SSBP3: variants seen among roughly 807,000 people sequenced by gnomAD.
The protein encoded by SSBP3 is single-stranded DNA-binding protein 3.
In SSBP3, 5 loss-of-function variants were observed where a neutral mutation model predicts 69.6. The ratio of observed to expected loss-of-function variants is 0.07; its 90% CI spans 0.04 to 0.15. The LOEUF is 0.15. Ranked by LOEUF, SSBP3 falls within the 10% of genes least tolerant of loss-of-function variation. The pLI is 1.00. For synonymous variants in SSBP3, 196 were observed against 193.4 expected, an observed-to-expected ratio of 1.01 and a Z score of -0.11; for missense variants, 312 against 534.0, an observed-to-expected ratio of 0.58 and a Z score of 4.10.
chr1:54,376,199 T>C (rs1647230733), intron 4 of SSBP3, among the ~76,000 whole-genome samples: 1 of 151,980 alleles, frequency 6.6e-6, no homozygotes, highest in East Asian at 1.9e-4. Context: ...TGGGTGTGTG[T>C]GTGTGTGTGT....
At chr1:54,241,196 G>A (rs1223604331) in intron 12 of SSBP3, among the ~76,000 whole-genome samples, 7 of 152,156 alleles carry the variant, frequency 4.6e-5, no homozygotes, top group African/African-American at 1.7e-4. Context: ...TGCATTATGT[G>A]CTCACAGGCA....
chr1:54,380,848 T>G (rs564542954), intron 4 of SSBP3, among the ~76,000 whole-genome samples: 23 of 152,134 alleles, frequency 1.5e-4, no homozygotes, highest in African/African-American at 5.5e-4. Context: ...AGGCAGGGCA[T>G]GATGGCTCAC....
chr1:54,225,823 T>G (rs1644276740), exon 18 of SSBP3: 1 of 153,440 alleles, frequency 6.5e-6, no homozygotes, highest in African/African-American at 2.4e-5. Flanking sequence ...GTCGGGCTTG[T>G]TGGTTTTTGA....
intron 4 of SSBP3, among the ~76,000 whole-genome samples, chr1:54,345,864 G>A (rs1308164553): frequency 1.3e-5 from 2 of 151,878 alleles, no homozygotes; most frequent in Non-Finnish European, 2.9e-5. Context: ...AAATTAGGCT[G>A]GGCACGGTGG....
In SSBP3 at chr1:54,242,225, GA is replaced by G; in HGVS notation, c.717-14del. 6.2e-7 allele frequency: 1 copy of G among 1,613,852 alleles called. No homozygotes were observed. Among genetic ancestry groups the G allele is most frequent in the Non-Finnish European group, 8.5e-7 (1 of 1,179,972 alleles). On this transcript the variant is annotated splice_polypyrimidine_tract_variant and intron_variant, in intron 10 of 17. Transcript: ENST00000610401. Reference sequence around the variant, plus strand: ...AGCTCCCGGGCCCCTGAGAGAGGGAGAAAGAGATGTGGACAATGAAAAAGGC... The same window carrying G: ...AGCTCCCGGGCCCCTGAGAGAGGGAGAAGAGATGTGGACAATGAAAAAGGC...
chr1:54,365,460 A>G (rs1234407407), intron 4 of SSBP3, among the ~76,000 whole-genome samples: 1 of 152,236 alleles, frequency 6.6e-6, no homozygotes, highest in East Asian at 1.9e-4. Flanking sequence ...ATACTCTACT[A>G]TTTGAGAGCC....
At chr1:54,359,190 C>T (rs1421568591) in intron 4 of SSBP3, among the ~76,000 whole-genome samples, 1 of 131,250 alleles carries the variant, frequency 7.6e-6, no homozygotes, top group Non-Finnish European at 1.6e-5. Context: ...ATATGAGTTG[C>T]TATAATTACC....
At chr1:54,300,714 G>A (rs549594416) in intron 4 of SSBP3, among the ~76,000 whole-genome samples, 1 of 152,172 alleles carries the variant, frequency 6.6e-6, no homozygotes, top group Non-Finnish European at 1.5e-5. Context: ...ACTCTGAGAG[G>A]GCCAAGACCA....
intron 4 of SSBP3, among the ~76,000 whole-genome samples, chr1:54,319,364 C>T (rs769564025): frequency 2.8e-4 from 42 of 152,098 alleles, no homozygotes; most frequent in Non-Finnish European, 4.9e-4. Context: ...ACAATGTAGA[C>T]GTGAATGGGA....
chr1:54,284,148 A>ATG (rs1435265334), intron 4 of SSBP3, among the ~76,000 whole-genome samples: 4 of 95,924 alleles, frequency 4.2e-5, no homozygotes, highest in African/African-American at 1.7e-4. Flanking sequence ...GGGTCTTACT[A>ATG]TGTTGCCCAG....
At chr1:54,246,009 G>A (rs964927069) in intron 9 of SSBP3, among the ~76,000 whole-genome samples, 10 of 152,228 alleles carry the variant, frequency 6.6e-5, no homozygotes, top group South Asian at 2.1e-4. Flanking sequence ...GCAGTTGTGC[G>A]TGGCTGAGCT....
chr1:54,352,058 G>C (rs1646788623), intron 4 of SSBP3, among the ~76,000 whole-genome samples: 1 of 152,146 alleles, frequency 6.6e-6, no homozygotes, highest in Non-Finnish European at 1.5e-5. Flanking sequence ...CTACTTGGGA[G>C]GTCGAGGCAG....
intron 5 of SSBP3, among the ~76,000 whole-genome samples, chr1:54,279,838 C>A (rs1415386163): frequency 6.6e-6 from 1 of 152,210 alleles, no homozygotes; most frequent in Non-Finnish European, 1.5e-5. Context: ...CTGGCTACTG[C>A]CTTTCTTGGG....
At chr1:54,282,663 G>C (rs1260402738) in intron 4 of SSBP3, among the ~76,000 whole-genome samples, 1 of 152,174 alleles carries the variant, frequency 6.6e-6, no homozygotes, top group Non-Finnish European at 1.5e-5. Flanking sequence ...TGAGACATCT[G>C]GGCCCCAGCC....
At chr1:54,411,139 A>G (rs536452032), upstream of SSBP3, among the ~76,000 whole-genome samples, 1 of 152,360 alleles carries the variant, frequency 6.6e-6, no homozygotes, top group South Asian at 2.1e-4. Context: ...CCATGTGCTC[A>G]GCCTTGTTTT....
At chr1:54,238,065 G>A (rs1175372118) in intron 14 of SSBP3, 2 of 447,652 alleles carry the variant, frequency 4.5e-6, no homozygotes, top group Admixed American at 4.9e-5. Context: ...GGATTCCTCA[G>A]GATGTGGGGC....
intron 4 of SSBP3, among the ~76,000 whole-genome samples, chr1:54,312,312 G>A (rs1005793949): frequency 5.3e-5 from 8 of 151,636 alleles, no homozygotes; most frequent in South Asian, 2.1e-4. Flanking sequence ...AAAAGAGGCC[G>A]GACAAGGTGG....
chr1:54,398,430 A>G (rs149002922), intron 4 of SSBP3, among the ~76,000 whole-genome samples: 3 of 152,350 alleles, frequency 2.0e-5, no homozygotes, highest in Admixed American at 1.3e-4. Flanking sequence ...CCACATGGAG[A>G]AAAAGGATTG....
intron 4 of SSBP3, among the ~76,000 whole-genome samples, chr1:54,348,975 C>T (rs927643848): frequency 1.3e-5 from 2 of 152,160 alleles, no homozygotes; most frequent in Non-Finnish European, 2.9e-5. Context: ...AAACCCAGCC[C>T]GATGACCAGC....
Sources: gnomAD v4.1 joint callset for allele counts (sites outside exome capture counted in the v4.1 genomes callset) on GRCh38, gnomAD v4.1.1 for gene constraint, MANE v1.5 for transcripts, NCBI Gene and HGNC (gene_info 2026-07-23, HGNC 2026-07-21) for gene names.